Variants in GON4L observed in about 807,000 individuals in gnomAD.
GON4L encodes GON-4-like protein.
Under a neutral mutation model 211.8 loss-of-function variants are expected in GON4L, and 87 were observed. The ratio of observed to expected loss-of-function variants is 0.41; its 90% CI spans 0.35 to 0.49. The LOEUF (loss-of-function observed/expected upper bound fraction) is 0.49, where lower values mean the gene tolerates loss of function less well. Among genes scored for constraint, GON4L ranks in the 20% least tolerant of loss-of-function variants. The pLI is 0.15. For missense variants in GON4L, 2,155 were observed against 2,659.5 expected (o/e 0.81, Z 4.17); for synonymous variants, 875 against 962.6 (o/e 0.91, Z 1.68).
chr1:155,812,727 T>A (rs909539123), intron 10 of GON4L, among the ~76,000 whole-genome samples: 1 of 152,088 alleles, frequency 6.6e-6, no homozygotes, highest in Non-Finnish European at 1.5e-5. Flanking sequence ...GGCAAATTTT[T>A]GTATTTTCAG....
At chr1:155,851,077 G>A (rs1475654128) in intron 2 of GON4L, among the ~76,000 whole-genome samples, 6 of 134,944 alleles carry the variant, frequency 4.4e-5, no homozygotes, top group Admixed American at 2.4e-4. Context: ...AAAAAGGGCC[G>A]GGCGCGGTGG....
chr1:155,811,732 G>A, intron 10 of GON4L, among the ~76,000 whole-genome samples: 1 of 122,904 alleles, frequency 8.1e-6, no homozygotes. Context: ...CTCCAGCCTG[G>A]GAGACAGGCA....
At chr1:155,809,973 AAAT>A (rs1352952747) in intron 10 of GON4L, among the ~76,000 whole-genome samples, 23 of 89,652 alleles carry the variant, frequency 2.6e-4, no homozygotes, top group African/African-American at 4.7e-4. Context: ...ATATAATTAT[AAAT>A]TATATATATA....
At chr1:155,855,588 A>G (rs1275660367) in intron 1 of GON4L, among the ~76,000 whole-genome samples, 1 of 152,200 alleles carries the variant, frequency 6.6e-6, no homozygotes. Flanking sequence ...GTGTCACTGA[A>G]TATTGTAGAT....
At chr1:155,849,872 C>T (rs1412432215) in intron 2 of GON4L, among the ~76,000 whole-genome samples, 1 of 148,868 alleles carries the variant, frequency 6.7e-6, no homozygotes, top group African/African-American at 2.5e-5. Context: ...TGAACTGATT[C>T]TTATCTCCTT....
At chr1:155,817,870 G>T (rs1283986212) in intron 6 of GON4L, among the ~76,000 whole-genome samples, 1 of 150,278 alleles carries the variant, frequency 6.7e-6, no homozygotes, top group East Asian at 2.0e-4. Flanking sequence ...CAAGGCTGCA[G>T]TGAGCTATGA....
intron 17 of GON4L, 170 bp from the exon 18 acceptor site, chr1:155,773,380 TATATCTA>T: frequency 1.5e-6 from 1 of 678,752 alleles, no homozygotes; most frequent in Non-Finnish European, 2.5e-6. Context: ...AAGCTAACAT[TATATCTA>T]AAGGGAGTCC....
intron 3 of GON4L, among the ~76,000 whole-genome samples, chr1:155,824,045 A>C (rs1323371932): frequency 6.6e-6 from 1 of 152,176 alleles, no homozygotes; most frequent in Non-Finnish European, 1.5e-5. Context: ...AAAGAAGTAC[A>C]CATGTTCAGC....
At position 155,835,259 on chromosome 1, in the gene GON4L, C is replaced by T. The variant is rs542550453; in HGVS notation, c.506-8231G>A. Among the ~76,000 whole-genome samples the T allele has an allele frequency of 3.9e-5, 6 of 152,080 alleles. No homozygotes were observed. In the East Asian group the frequency reaches 9.6e-4, roughly 24 times the overall value. ...CAAGATGTGCTTTGTTAAACAGATGCTTGAAGGCAGCATGCTCGTTAAGTC... is the reference window on the plus strand; with the variant it reads ...CAAGATGTGCTTTGTTAAACAGATGTTTGAAGGCAGCATGCTCGTTAAGTC... On this transcript the variant is annotated intron_variant, in intron 2 of 31. Transcript: ENST00000368331.
rs927289184 is a variant in GON4L, at chr1:155,802,291, T to A, written c.1645+2658A>T. Among the ~76,000 whole-genome samples the A allele has an allele frequency of 2.2e-5, 3 of 136,606 alleles. No homozygotes were observed. The South Asian group carries it at 8.4e-4, about 38-fold the overall frequency. 89.6% of individuals were successfully genotyped at this position (136,606 alleles called of 152,430 possible). A position where few individuals can be genotyped will look rare whatever the true frequency, so the allele number is the denominator to read the frequency against. On this transcript the variant is annotated intron_variant, in intron 11 of 31. Coordinates refer to ENST00000368331, the MANE Select transcript of GON4L (RefSeq NM_001282860.2). ...AAAATCATATGAAAAATTTCATGTA[T>A]GTAGATATGTACATTTTCCTTGGGG...
At chr1:155,745,782 A>T, downstream of GON4L, 1 of 751,662 alleles carries the variant, frequency 1.3e-6, no homozygotes, top group Non-Finnish European at 2.2e-6. Flanking sequence ...GGCTAGGAGC[A>T]GCGAGCGGCG....
At chr1:155,773,546 T>C in intron 17 of GON4L, 1 of 266,028 alleles carries the variant, frequency 3.8e-6, no homozygotes, top group South Asian at 4.6e-5. Context: ...CCCCCTTAAA[T>C]ACTTGAAGGA....
chr1:155,750,792 C>G, intron 31 of GON4L, 59 bp from the exon 32 acceptor site: 2 of 1,506,230 alleles, frequency 1.3e-6, no homozygotes, highest in Non-Finnish European at 1.8e-6. Context: ...GAGACGGAGT[C>G]TCTCTCTGTT....
chr1:155,797,670 C>A (rs1453088309), intron 11 of GON4L, among the ~76,000 whole-genome samples: 1 of 54,432 alleles, frequency 1.8e-5, no homozygotes, highest in East Asian at 2.2e-3. Context: ...ATGGTGAGAC[C>A]CCCCCCCTCC....
At chr1:155,763,208 T>C in intron 22 of GON4L, 104 bp downstream of exon 22, 1 of 1,073,622 alleles carries the variant, frequency 9.3e-7, no homozygotes, top group South Asian at 1.6e-5. Flanking sequence ...GGGTTTCCTC[T>C]GGAAATCCTC....
intron 23 of GON4L, among the ~76,000 whole-genome samples, chr1:155,761,542 C>T: frequency 6.7e-6 from 1 of 148,456 alleles, no homozygotes; most frequent in East Asian, 2.0e-4. Flanking sequence ...GTCACCAAGG[C>T]TGGAGTGCAG....
At position 155,756,988 on chromosome 1, in the gene GON4L, T is replaced by C. The variant is rs1182215875; in HGVS notation, c.5487A>G (p.Lys1829=). ...KIPTASKNKR[K]KEIGVQNHDK... ...CATGATTTTGGACCCCGATCTCTTT[T>C]TTCCTCTTGTTCTTTGAGGCTGTGG... The change falls in exon 27 of 32, where the codon AAA becomes AAG. Residue 1829 remains lysine, a synonymous_variant. Coordinates refer to ENST00000368331, the MANE Select transcript of GON4L (RefSeq NM_001282860.2). The C allele has an allele frequency of 6.2e-7, 1 of 1,613,618 alleles. No homozygotes were observed. Among genetic ancestry groups the C allele is most frequent in the East Asian group, 2.2e-5 (1 of 44,898 alleles).
chr1:155,807,730 A>AAC (rs1395575383), intron 10 of GON4L, among the ~76,000 whole-genome samples: 8 of 143,798 alleles, frequency 5.6e-5, no homozygotes, highest in African/African-American at 1.3e-4. Flanking sequence ...AAAAAAGAAA[A>AAC]TCAGAAAGTG....
At chr1:155,780,293 T>A (rs775659012) in intron 14 of GON4L, among the ~76,000 whole-genome samples, 6 of 151,998 alleles carry the variant, frequency 3.9e-5, no homozygotes, top group Non-Finnish European at 5.9e-5. Flanking sequence ...ATGACAATTA[T>A]TAAAAGGTCA....
Sources: gnomAD v4.1 joint callset for allele counts (sites outside exome capture counted in the v4.1 genomes callset) on GRCh38, gnomAD v4.1.1 for gene constraint, MANE v1.5 for transcripts, NCBI Gene and HGNC (gene_info 2026-07-23, HGNC 2026-07-21) for gene names.